Variants in CTNNA3 observed in about 807,000 individuals in gnomAD.
CTNNA3 encodes catenin alpha-3.
Under a neutral mutation model 95.7 loss-of-function variants are expected in CTNNA3, and 76 were observed. That is an observed-to-expected ratio of 0.79 (90% confidence interval 0.66 to 0.96). CTNNA3 has a LOEUF of 0.96. Ranked by LOEUF, CTNNA3 falls within the 40% of genes least tolerant of loss-of-function variation. The probability of loss-of-function intolerance (pLI) is 0.00; values close to 1 mark genes in which losing one functional copy is unlikely to be tolerated. For missense variants in CTNNA3, 1,191 were observed against 1,089.8 expected, an observed-to-expected ratio of 1.09 and a Z score of -1.31; for synonymous variants, 431 against 374.4, an observed-to-expected ratio of 1.15 and a Z score of -1.74.
chr10:66,858,999 A>G (rs916635228), intron 7 of CTNNA3, among the ~76,000 whole-genome samples: 6 of 152,048 alleles, frequency 3.9e-5, no homozygotes, highest in Non-Finnish European at 8.8e-5. Context: ...TCTTTTAAAA[A>G]GTTATTTCAT....
intron 11 of CTNNA3, among the ~76,000 whole-genome samples, chr10:66,394,734 AAC>A (rs1393669135): frequency 6.6e-6 from 1 of 151,982 alleles, no homozygotes; most frequent in Non-Finnish European, 1.5e-5. Flanking sequence ...CTTATAAAAA[AAC>A]AGTCAGTATT....
intron 12 of CTNNA3, among the ~76,000 whole-genome samples, chr10:66,315,215 T>C (rs1327505206): frequency 6.6e-6 from 1 of 152,038 alleles, no homozygotes; most frequent in Non-Finnish European, 1.5e-5. Flanking sequence ...TACTAAGGTT[T>C]CCAGATTCCC....
intron 7 of CTNNA3, among the ~76,000 whole-genome samples, chr10:66,952,041 C>T (rs1420312268): frequency 6.6e-6 from 1 of 152,172 alleles, no homozygotes; most frequent in Non-Finnish European, 1.5e-5. Flanking sequence ...CCGTGACATT[C>T]AGCAGCTAAG....
intron 11 of CTNNA3, among the ~76,000 whole-genome samples, chr10:66,446,891 G>C (rs79995710): frequency 0.26 from 40,016 of 151,256 alleles, 5,451 homozygotes; most frequent in South Asian, 0.39. Flanking sequence ...AATTGTCCCT[G>C]TTTGCAGATG....
At chr10:66,228,249 G>C (rs2089417718) in intron 13 of CTNNA3, among the ~76,000 whole-genome samples, 1 of 151,892 alleles carries the variant, frequency 6.6e-6, no homozygotes, top group South Asian at 2.1e-4. Flanking sequence ...TAATTTCTCA[G>C]AATGCATCAT....
intron 9 of CTNNA3, among the ~76,000 whole-genome samples, chr10:66,740,979 A>G (rs72800797): frequency 0.12 from 17,919 of 152,244 alleles, 1,444 homozygotes; most frequent in Middle Eastern, 0.17. Flanking sequence ...TTTGTTGGAA[A>G]TGCAGATTCA....
chr10:66,340,875 C>A (rs1671293588), intron 12 of CTNNA3, among the ~76,000 whole-genome samples: 1 of 151,788 alleles, frequency 6.6e-6, no homozygotes, highest in South Asian at 2.1e-4. Context: ...GAACTCAGAT[C>A]TGCAGACTCG....
intron 10 of CTNNA3, among the ~76,000 whole-genome samples, chr10:66,617,374 G>A (rs1844557614): frequency 6.6e-6 from 1 of 151,936 alleles, no homozygotes; most frequent in South Asian, 2.1e-4. Context: ...TGATCAAGTG[G>A]GCTTCATCCT....
chr10:66,843,843 G>A (rs2132355534), intron 7 of CTNNA3, among the ~76,000 whole-genome samples: 1 of 152,268 alleles, frequency 6.6e-6, no homozygotes, highest in Admixed American at 6.5e-5. Flanking sequence ...GAAAGGGAGT[G>A]CAGTATTTAT....
At chr10:66,154,729 T>TATATATATATATATATATATATATATA (rs2084395552) in intron 13 of CTNNA3, among the ~76,000 whole-genome samples, 4 of 139,966 alleles carry the variant, frequency 2.9e-5, no homozygotes, top group African/African-American at 1.1e-4. Context: ...CATATATATA[T>TATATATATATATATATATATATATATA]ATATATATAT....
rs143941882 is a variant in CTNNA3 at position 67,199,776 on chromosome 10, G to A, written c.844-19256C>T. On this transcript the variant is annotated intron_variant, in intron 6 of 17. Transcript: ENST00000433211. ...TCAGAATGAAATTAATGTTGAAAGA[G>A]TAGTATCATCTACATAACTAGACTA... 1.6e-3 allele frequency among the ~76,000 whole-genome samples: 242 copies of A among 152,284 alleles called. 3 individuals are homozygous for A. Among genetic ancestry groups the A allele is most frequent in the African/African-American group, 5.6e-3 (233 of 41,542 alleles).
intron 5 of CTNNA3, among the ~76,000 whole-genome samples, chr10:67,341,570 C>T (rs1842192167): frequency 6.6e-6 from 1 of 152,016 alleles, no homozygotes; most frequent in African/African-American, 2.4e-5. Flanking sequence ...TGTATATGTA[C>T]CACATTTTCT....
chr10:66,708,418 T>A (rs922914376), intron 9 of CTNNA3, among the ~76,000 whole-genome samples: 5 of 151,998 alleles, frequency 3.3e-5, no homozygotes, highest in Admixed American at 3.3e-4. Flanking sequence ...CTAACACACA[T>A]TCCTGGAATT....
chr10:66,082,016 G>A (rs1278509718), intron 14 of CTNNA3, among the ~76,000 whole-genome samples: 1 of 152,068 alleles, frequency 6.6e-6, no homozygotes, highest in East Asian at 1.9e-4. Flanking sequence ...TACTCTGGAG[G>A]CTGAGGCAGG....
intron 14 of CTNNA3, among the ~76,000 whole-genome samples, chr10:66,091,971 T>G (rs961310246): frequency 6.6e-6 from 1 of 151,824 alleles, no homozygotes; most frequent in African/African-American, 2.4e-5. Context: ...CAACTGACTT[T>G]TAGTCTAGTC....
chr10:66,407,206 GAAAAAAAA>G (rs75023003), intron 11 of CTNNA3, among the ~76,000 whole-genome samples: 1 of 136,340 alleles, frequency 7.3e-6, no homozygotes, highest in Admixed American at 7.5e-5. Context: ...GTGCTTAAAA[GAAAAAAAA>G]AAAAACAGGA....
In CTNNA3 at chr10:66,927,011, G is replaced by A. The variant is rs267602548; in HGVS notation, c.1048-151487C>T. ...CTGACAATGCTTTCTTCTGCCGAAC[G>A]AGGATGCCCTAAGGGCTGTAGGTGT... On this transcript the variant is annotated intron_variant, in intron 7 of 17. Coordinates refer to ENST00000433211, the MANE Select transcript of CTNNA3 (RefSeq NM_013266.4). The surrounding 1 kb of genome is among the most constrained non-coding windows in gnomAD (Gnocchi z 4.7). 3.7e-6 allele frequency: 6 copies of A among 1,613,990 alleles called. No individual in the cohort carries two copies. The highest frequency in any genetic ancestry group is 5.1e-6 in the Non-Finnish European group (6 of 1,180,042).
chr10:66,036,262 T>C (rs1289255038), intron 15 of CTNNA3, among the ~76,000 whole-genome samples: 8 of 152,200 alleles, frequency 5.3e-5, no homozygotes, highest in Admixed American at 3.9e-4. Context: ...CAGAATCAAC[T>C]GGAAGGCATA....
At chr10:66,786,808 T>C (rs546532120) in intron 7 of CTNNA3, among the ~76,000 whole-genome samples, 1 of 152,164 alleles carries the variant, frequency 6.6e-6, no homozygotes, top group South Asian at 2.1e-4. Flanking sequence ...TGTTAAGAAA[T>C]ATGTAGAATA....
Sources: gnomAD v4.1 joint callset for allele counts (sites outside exome capture counted in the v4.1 genomes callset) on GRCh38, gnomAD v4.1.1 for gene constraint, Gnocchi (gnomAD v3.1) non-coding constraint, MANE v1.5 for transcripts, NCBI Gene and HGNC (gene_info 2026-07-23, HGNC 2026-07-21) for gene names.